The following NOL10 variants were observed in gnomAD, a reference collection of about 807,000 sequenced individuals.
NOL10 encodes H_NH0074G24.1.
In NOL10, 58 loss-of-function variants were observed where a neutral mutation model predicts 103.5. The ratio of observed to expected loss-of-function variants is 0.56; its 90% CI spans 0.45 to 0.70. The LOEUF is 0.70. Ranked by LOEUF, NOL10 falls within the 30% of genes least tolerant of loss-of-function variation. The pLI, the probability that NOL10 is intolerant of heterozygous loss-of-function variation, is 0.00. For synonymous variants in NOL10, 287 were observed against 282.5 expected (o/e 1.02, Z -0.16); for missense variants, 763 against 807.3 (o/e 0.95, Z 0.67).
At chr2:10,677,316 C>T (rs1303766684) in intron 3 of NOL10, among the ~76,000 whole-genome samples, 2 of 151,938 alleles carry the variant, frequency 1.3e-5, no homozygotes, top group Non-Finnish European at 2.9e-5. Context: ...AGTGCAATTT[C>T]GGAGACTTTC....
intron 13 of NOL10, among the ~76,000 whole-genome samples, chr2:10,608,356 C>A (rs112927026): frequency 1.1e-4 from 17 of 152,204 alleles, no homozygotes; most frequent in Non-Finnish European, 2.4e-4. Flanking sequence ...AAAATATAAT[C>A]CACCTACTTT....
chr2:10,675,024 T>C (rs1586623), intron 4 of NOL10, among the ~76,000 whole-genome samples: 34,580 of 151,806 alleles, frequency 0.23, 4,183 homozygotes, highest in South Asian at 0.47. Context: ...GCAACATGGC[T>C]AGACTCCATC....
At chr2:10,688,531 T>C (rs1682376689) in intron 1 of NOL10, among the ~76,000 whole-genome samples, 1 of 152,232 alleles carries the variant, frequency 6.6e-6, no homozygotes, top group Non-Finnish European at 1.5e-5. Context: ...CATCCAAGTT[T>C]CTGCTCATAT....
chr2:10,588,962 T>A (rs56365391), intron 19 of NOL10, 81 bp downstream of exon 19: 114 of 1,551,478 alleles, frequency 7.3e-5, no homozygotes, highest in Non-Finnish European at 9.6e-5. Context: ...GACAGAAATG[T>A]CATCTTTAGG....
At chr2:10,656,698 C>T (rs933040300) in intron 11 of NOL10, among the ~76,000 whole-genome samples, 2 of 152,244 alleles carry the variant, frequency 1.3e-5, no homozygotes, top group Non-Finnish European at 2.9e-5. Flanking sequence ...TAGACGGGCA[C>T]TTGCGCTTAG....
At chr2:10,597,393 C>T (rs987427561) in intron 17 of NOL10, among the ~76,000 whole-genome samples, 1 of 152,202 alleles carries the variant, frequency 6.6e-6, no homozygotes, top group Admixed American at 6.5e-5. Context: ...ACTTTCAAAT[C>T]AGGAGGTATC....
At position 10,679,214 on chromosome 2, in the gene NOL10, C is replaced by T. The variant is rs150658437; in HGVS notation, c.211+2757G>A. ...ATCTCTACTAAAAATACAAAATTAGCCGGGCGTGGTGGTGCATGCCTGTAA... is the reference window on the plus strand; with the variant it reads ...ATCTCTACTAAAAATACAAAATTAGTCGGGCGTGGTGGTGCATGCCTGTAA... On this transcript the variant is annotated intron_variant, in intron 3 of 20. Coordinates refer to ENST00000381685, the MANE Select transcript of NOL10 (RefSeq NM_024894.4). 5.9e-5 allele frequency among the ~76,000 whole-genome samples: 9 copies of T among 152,026 alleles called. No homozygotes were observed. In the East Asian group the frequency reaches 1.7e-3, roughly 29 times the overall value.
rs1160098225 is a variant in NOL10 at position 10,667,212 on chromosome 2, G to A, written c.591+6C>T. 1 of 1,567,530 alleles carries A rather than the reference G, an allele frequency of 6.4e-7. No homozygotes were observed. The highest frequency in any genetic ancestry group is 1.8e-5 in the Admixed American group (1 of 54,844). On this transcript the variant is annotated splice_donor_region_variant and intron_variant, in intron 8 of 20. Coordinates refer to ENST00000381685, the MANE Select transcript of NOL10 (RefSeq NM_024894.4). ...ATTCTAAAAAATAAAGTCAACATAT[G>A]CTTACCTCTATGGTTCCTGTGGCAA...
intron 12 of NOL10, among the ~76,000 whole-genome samples, chr2:10,650,529 C>T (rs919341814): frequency 6.6e-6 from 1 of 152,122 alleles, no homozygotes; most frequent in African/African-American, 2.4e-5. Context: ...TTTTAAATTT[C>T]ATTTAAAAGC....
chr2:10,624,693 G>A (rs1419087960), intron 13 of NOL10, among the ~76,000 whole-genome samples: 1 of 152,058 alleles, frequency 6.6e-6, no homozygotes, highest in Admixed American at 6.5e-5. Context: ...AAAAGGTATG[G>A]GCACTATGGA....
At position 10,669,511 on chromosome 2, in the gene NOL10, T is replaced by C. The variant is rs868160197; in HGVS notation, c.465-788A>G. On this transcript the variant is annotated intron_variant, in intron 6 of 20. Coordinates refer to ENST00000381685, the MANE Select transcript of NOL10 (RefSeq NM_024894.4). ...ACACACACACATACACACACACATA[T>C]ATACACACACACACACACACACACA... is the stretch of plus-strand genomic sequence containing the variant. Among the ~76,000 whole-genome samples, 97 of 95,146 alleles carry C rather than the reference T, an allele frequency of 1.0e-3. 1 individual carries two copies. In the South Asian group the frequency reaches 0.025, roughly 24 times the overall value. The allele number at this position is 95,146 out of a possible 152,430, so 62.4% of individuals were successfully genotyped here.
Position 10,572,090 on chromosome 2 carries a change from C to G in NOL10, c.2048G>C (p.Arg683Thr). The change falls in exon 21 of 21, where the codon AGA (arginine) becomes ACA (threonine). Residue 683 changes from arginine to threonine, a missense_variant. Transcript: ENST00000381685. ...CCCAAATCAATGAAACGACCGTCCT[C>G]TTTTGTGTCTTGACTTCAGGTGTCC... ...SAGHLKSRHK[R>T]GRSFH 1 of 1,613,932 alleles carries G rather than the reference C, an allele frequency of 6.2e-7. No homozygotes were observed. Among genetic ancestry groups the G allele is most frequent in the South Asian group, 1.1e-5 (1 of 91,080 alleles).
At chr2:10,630,505 G>A (rs1677764692) in intron 13 of NOL10, among the ~76,000 whole-genome samples, 1 of 152,154 alleles carries the variant, frequency 6.6e-6, no homozygotes, top group African/African-American at 2.4e-5. Flanking sequence ...GAGGTCAGGA[G>A]ATTGAGACTA....
At chr2:10,689,100 T>C (rs1301834587) in intron 1 of NOL10, among the ~76,000 whole-genome samples, 2 of 152,154 alleles carry the variant, frequency 1.3e-5, no homozygotes, top group African/African-American at 4.8e-5. Flanking sequence ...GGCTGGATCA[T>C]CACGTATAAG....
intron 13 of NOL10, among the ~76,000 whole-genome samples, chr2:10,634,164 G>A (rs1678030987): frequency 6.6e-6 from 1 of 152,134 alleles, no homozygotes; most frequent in South Asian, 2.1e-4. Context: ...ACATCAGTCT[G>A]GCTGTTACAT....
At chr2:10,681,350 G>A (rs1408821576) in intron 3 of NOL10, among the ~76,000 whole-genome samples, 1 of 151,536 alleles carries the variant, frequency 6.6e-6, no homozygotes, top group African/African-American at 2.4e-5. Flanking sequence ...AATCCTACAT[G>A]AAATAAGTCT....
At chr2:10,670,477 G>A (rs1680854940) in intron 6 of NOL10, among the ~76,000 whole-genome samples, 1 of 152,180 alleles carries the variant, frequency 6.6e-6, no homozygotes, top group Non-Finnish European at 1.5e-5. Context: ...GCTCATGTCT[G>A]TACTCCCAGC....
rs778264854 is a variant in NOL10 at position 10,603,177 on chromosome 2, A to G, written c.1154-20T>C. ...TGAGCCCTGGGAAAGGTCAAACAGAAGACAGCAGGTCCTTATGCAATCTTC... is the reference window on the plus strand; with the variant it reads ...TGAGCCCTGGGAAAGGTCAAACAGAGGACAGCAGGTCCTTATGCAATCTTC... On this transcript the variant is annotated intron_variant, in intron 14 of 20. Coordinates refer to ENST00000381685, the MANE Select transcript of NOL10 (RefSeq NM_024894.4). The G allele has an allele frequency of 8.2e-6, 13 of 1,576,622 alleles. No homozygotes were observed. The African/African-American group carries it at 1.8e-4, about 21-fold the overall frequency.
intron 13 of NOL10, among the ~76,000 whole-genome samples, chr2:10,619,595 A>AT (rs1484059071): frequency 6.6e-6 from 1 of 152,216 alleles, no homozygotes; most frequent in Non-Finnish European, 1.5e-5. Context: ...AAAGCTTTAC[A>AT]TATCTGTCTG....
Sources: gnomAD v4.1 joint callset for allele counts (sites outside exome capture counted in the v4.1 genomes callset) on GRCh38, gnomAD v4.1.1 for gene constraint, MANE v1.5 for transcripts, NCBI Gene and HGNC (gene_info 2026-07-23, HGNC 2026-07-21) for gene names.